NKAIN3: variants seen among roughly 807,000 people sequenced by gnomAD.
The protein encoded by NKAIN3 is sodium/potassium-transporting ATPase subunit beta-1-interacting protein 3.
NKAIN3 carries 25 observed loss-of-function variants against 30.2 expected under a neutral mutation model. That is an observed-to-expected ratio of 0.83 (90% CI 0.60 to 1.16). The LOEUF (loss-of-function observed/expected upper bound fraction) is 1.16, where lower values mean the gene tolerates loss of function less well. NKAIN3 is among the 50% of genes most tolerant of loss of function. The pLI is 0.00. For missense variants in NKAIN3, 225 were observed against 254.1 expected (o/e 0.89, Z 0.78); for synonymous variants, 91 against 89.6 (o/e 1.02, Z -0.09).
At chr8:62,903,185 T>A (rs1373464189) in intron 4 of NKAIN3, among the ~76,000 whole-genome samples, 2 of 152,214 alleles carry the variant, frequency 1.3e-5, no homozygotes, top group Admixed American at 1.3e-4. Context: ...AGAAAACAAC[T>A]TATTTCCATA....
chr8:62,942,257 T>C (rs1400681650), intron 5 of NKAIN3, among the ~76,000 whole-genome samples: 3 of 145,636 alleles, frequency 2.1e-5, no homozygotes, highest in African/African-American at 7.5e-5. Context: ...CATATATATA[T>C]ACACATATAT....
At chr8:62,454,758 CAG>C (rs1805761828) in intron 1 of NKAIN3, among the ~76,000 whole-genome samples, 1 of 152,042 alleles carries the variant, frequency 6.6e-6, no homozygotes, top group Admixed American at 6.6e-5. Flanking sequence ...TATATAAACA[CAG>C]ATACACCAAA....
At chr8:62,668,979 G>C (rs1813215306) in intron 3 of NKAIN3, among the ~76,000 whole-genome samples, 1 of 152,084 alleles carries the variant, frequency 6.6e-6, no homozygotes, top group South Asian at 2.1e-4. Context: ...TCTAATCCTA[G>C]ACTAACCATT....
intron 1 of NKAIN3, among the ~76,000 whole-genome samples, chr8:62,385,119 C>A (rs1049534628): frequency 6.6e-6 from 1 of 152,060 alleles, no homozygotes; most frequent in African/African-American, 2.4e-5. Flanking sequence ...ATCAGGAGTG[C>A]GAGTCCCCCC....
At chr8:62,956,441 C>T (rs1823420591) in intron 6 of NKAIN3, among the ~76,000 whole-genome samples, 1 of 152,186 alleles carries the variant, frequency 6.6e-6, no homozygotes, top group South Asian at 2.1e-4. Flanking sequence ...TTCCAGCCAA[C>T]AGCTCATTCC....
intron 1 of NKAIN3, among the ~76,000 whole-genome samples, chr8:62,524,871 C>A: frequency 6.6e-6 from 1 of 151,344 alleles, no homozygotes; most frequent in East Asian, 2.0e-4. Flanking sequence ...TGAGGTACTC[C>A]GGTTTAATAG....
intron 5 of NKAIN3, among the ~76,000 whole-genome samples, chr8:62,921,798 T>C (rs1017816903): frequency 6.6e-6 from 1 of 152,200 alleles, no homozygotes; most frequent in Non-Finnish European, 1.5e-5. Context: ...AACACCTTGT[T>C]TGGGAATCAT....
At chr8:62,816,967 G>A (rs993592398) in intron 4 of NKAIN3, among the ~76,000 whole-genome samples, 8 of 152,140 alleles carry the variant, frequency 5.3e-5, no homozygotes, top group Non-Finnish European at 1.0e-4. Flanking sequence ...GGCATCCATG[G>A]TAGGAATATA....
intron 4 of NKAIN3, among the ~76,000 whole-genome samples, chr8:62,772,355 G>A (rs1817044112): frequency 6.6e-6 from 1 of 152,178 alleles, no homozygotes; most frequent in African/African-American, 2.4e-5. Flanking sequence ...TGTGATTAGA[G>A]CTACAGTAAA....
intron 1 of NKAIN3, among the ~76,000 whole-genome samples, chr8:62,280,569 T>G (rs866692448): frequency 6.6e-6 from 1 of 152,142 alleles, no homozygotes; most frequent in African/African-American, 2.4e-5. Context: ...GATTTATTGG[T>G]AGTTTTTAGC....
At chr8:62,319,462 G>T (rs1814791922) in intron 1 of NKAIN3, among the ~76,000 whole-genome samples, 1 of 151,560 alleles carries the variant, frequency 6.6e-6, no homozygotes, top group Admixed American at 6.6e-5. Flanking sequence ...TTCTCTTGTG[G>T]GCATTTAGTG....
rs572291131 is a variant in NKAIN3 at position 62,975,933 on chromosome 8, A to C, written c.*10526A>C. On this transcript the variant is annotated 3_prime_UTR_variant, in exon 7 of 7. Coordinates refer to ENST00000623646, the MANE Select transcript of NKAIN3 (RefSeq NM_001304533.3). ...ACTTATTTATTTCTGCTGTGATCTC[A>C]TTATTTTCCCAGGAGTCATTCAGAA... Among the ~76,000 whole-genome samples the C allele has an allele frequency of 6.6e-6, 1 of 152,184 alleles. No individual in the cohort carries two copies. Among genetic ancestry groups the C allele is most frequent in the Non-Finnish European group, 1.5e-5 (1 of 67,990 alleles).
chr8:62,561,540 T>G (rs977212776), intron 1 of NKAIN3, among the ~76,000 whole-genome samples: 5 of 152,184 alleles, frequency 3.3e-5, no homozygotes. Flanking sequence ...ACTCTAAAGC[T>G]TCGGGGAGAG....
At chr8:62,510,153 A>G (rs1466264692) in intron 1 of NKAIN3, among the ~76,000 whole-genome samples, 2 of 152,274 alleles carry the variant, frequency 1.3e-5, no homozygotes, top group East Asian at 1.9e-4. Flanking sequence ...ATCAGGGTGA[A>G]TAAGAGAAAA....
At chr8:62,858,592 GGGAA>G (rs1563597286) in intron 4 of NKAIN3, among the ~76,000 whole-genome samples, 4 of 152,204 alleles carry the variant, frequency 2.6e-5, no homozygotes, top group African/African-American at 9.6e-5. Context: ...CCCAATGAGG[GGGAA>G]TGGTTTGAGG....
chr8:62,553,154 T>C (rs1809270756), intron 1 of NKAIN3, among the ~76,000 whole-genome samples: 1 of 152,168 alleles, frequency 6.6e-6, no homozygotes, highest in Admixed American at 6.5e-5. Context: ...ACCTACTTAA[T>C]TCCCAGCTCT....
intron 4 of NKAIN3, among the ~76,000 whole-genome samples, chr8:62,903,967 G>T (rs1821694192): frequency 6.6e-6 from 1 of 152,086 alleles, no homozygotes; most frequent in African/African-American, 2.4e-5. Flanking sequence ...TGACACATGG[G>T]GATTATTACA....
chr8:62,898,147 A>T (rs1288257709), intron 4 of NKAIN3, among the ~76,000 whole-genome samples: 1 of 152,198 alleles, frequency 6.6e-6, no homozygotes, highest in Non-Finnish European at 1.5e-5. Context: ...GAAGGGAAAT[A>T]TCATGTTAAT....
At position 62,968,809 on chromosome 8, in the gene NKAIN3, G is replaced by A. The variant is rs187043676; in HGVS notation, c.*3402G>A. ...CTGACCTCGTGCAGCACCGCAGGAA[G>A]CTGGGATGCTTTCGAGCTTACTTTT... is the stretch of plus-strand genomic sequence containing the variant. On this transcript the variant is annotated 3_prime_UTR_variant, in exon 7 of 7. Coordinates refer to ENST00000623646, the MANE Select transcript of NKAIN3 (RefSeq NM_001304533.3). Among the ~76,000 whole-genome samples the A allele has an allele frequency of 6.6e-6, 1 of 152,226 alleles. No individual in the cohort carries two copies. Among genetic ancestry groups the A allele is most frequent in the South Asian group, 2.1e-4 (1 of 4,800 alleles).
Sources: allele counts gnomAD v4.1 joint callset (sites outside exome capture counted in the v4.1 genomes callset), GRCh38; gene constraint gnomAD v4.1.1; transcripts MANE v1.5; gene names NCBI Gene and HGNC (gene_info 2026-07-23, HGNC 2026-07-21).